OSBPL10: variants seen among roughly 807,000 people sequenced by gnomAD.
OSBPL10 encodes oxysterol binding protein like 10.
A neutral mutation model predicts 81.7 loss-of-function variants in OSBPL10; 49 were observed. The observed-to-expected ratio is 0.60, with a 90% CI of 0.48 to 0.76. The LOEUF (loss-of-function observed/expected upper bound fraction) is 0.76, where lower values mean the gene tolerates loss of function less well. Among genes scored for constraint, OSBPL10 ranks in the 30% least tolerant of loss-of-function variants. OSBPL10 has a pLI of 0.00. For missense variants in OSBPL10, 923 were observed against 987.8 expected (o/e 0.93, Z 0.88); for synonymous variants, 419 against 383.6 (o/e 1.09, Z -1.08).
At chr3:31,786,633 GCCCT>G (rs757478191) in intron 4 of OSBPL10, among the ~76,000 whole-genome samples, 22 of 152,286 alleles carry the variant, frequency 1.4e-4, no homozygotes, top group South Asian at 6.2e-4. Context: ...CCTCCAAAGA[GCCCT>G]ACCTCTTAAC....
rs536475861 is a variant in OSBPL10, at chr3:31,844,506, T to C, written c.538-14275A>G. Among the ~76,000 whole-genome samples, 16 of 152,344 alleles carry C rather than the reference T, an allele frequency of 1.1e-4. No homozygotes were observed. The South Asian group carries it at 3.3e-3, about 32-fold the overall frequency. On this transcript the variant is annotated intron_variant, in intron 3 of 11. Coordinates refer to ENST00000396556, the MANE Select transcript of OSBPL10 (RefSeq NM_017784.5). ...AGTATTGATACATGCAACATTGTTG[T>C]TGAAACTCAAAAACATTATGATAAA...
At chr3:31,858,818 G>C (rs1355848592) in intron 3 of OSBPL10, among the ~76,000 whole-genome samples, 1 of 152,194 alleles carries the variant, frequency 6.6e-6, no homozygotes, top group East Asian at 1.9e-4. Context: ...CATTTGGGCA[G>C]TCTATCAAAA....
intron 5 of OSBPL10, among the ~76,000 whole-genome samples, chr3:31,738,886 A>AGG (rs1332791666): frequency 2.0e-5 from 3 of 152,162 alleles, no homozygotes; most frequent in African/African-American, 7.2e-5. Flanking sequence ...TAAGAACTCA[A>AGG]GAAATGGGGA....
At chr3:32,002,187 A>G (rs1338994218) in intron 2 of OSBPL10, among the ~76,000 whole-genome samples, 2 of 152,120 alleles carry the variant, frequency 1.3e-5, no homozygotes, top group African/African-American at 4.8e-5. Context: ...CATTCAACAG[A>G]AATTGCTTCT....
intron 1 of OSBPL10, among the ~76,000 whole-genome samples, chr3:31,908,969 G>A (rs924875911): frequency 1.3e-5 from 2 of 151,790 alleles, no homozygotes; most frequent in African/African-American, 4.9e-5. Context: ...AGGGCCTTCT[G>A]AAACCATTAA....
intron 1 of OSBPL10, among the ~76,000 whole-genome samples, chr3:31,977,008 T>C (rs1276473946): frequency 6.6e-6 from 1 of 152,196 alleles, no homozygotes; most frequent in Non-Finnish European, 1.5e-5. Context: ...CCATTTTAGT[T>C]TGAGAGTAAA....
chr3:31,855,307 G>A (rs533874759), intron 3 of OSBPL10, among the ~76,000 whole-genome samples: 29 of 152,252 alleles, frequency 1.9e-4, no homozygotes, highest in Admixed American at 6.5e-4. Context: ...AGTTTGAGCC[G>A]CCATGCTCGG....
intron 6 of OSBPL10, among the ~76,000 whole-genome samples, chr3:31,728,402 T>G (rs1696874018): frequency 6.6e-6 from 1 of 152,156 alleles, no homozygotes; most frequent in African/African-American, 2.4e-5. Flanking sequence ...AGGCCAGGGG[T>G]AGGTATCTGG....
chr3:31,863,084 A>G (rs1159259833), intron 3 of OSBPL10, among the ~76,000 whole-genome samples: 1 of 152,256 alleles, frequency 6.6e-6, no homozygotes, highest in Non-Finnish European at 1.5e-5. Context: ...TAGTCATAAA[A>G]AAGGAATGAA....
At chr3:32,019,161 A>G (rs970621933) in intron 2 of OSBPL10, among the ~76,000 whole-genome samples, 53 of 152,318 alleles carry the variant, frequency 3.5e-4, no homozygotes, top group African/African-American at 1.2e-3. Flanking sequence ...ATTAATTTCC[A>G]CAATTGGAGC....
intron 1 of OSBPL10, among the ~76,000 whole-genome samples, chr3:31,980,014 A>T (rs10460955): frequency 0.28 from 41,368 of 147,482 alleles, 6,605 homozygotes; most frequent in East Asian, 0.72. Flanking sequence ...TTATTTATTT[A>T]TTTTTTTTGA....
intron 1 of OSBPL10, among the ~76,000 whole-genome samples, chr3:31,882,614 G>T (rs1204637220): frequency 6.6e-6 from 1 of 152,198 alleles, no homozygotes; most frequent in Non-Finnish European, 1.5e-5. Context: ...CCAGCACTTA[G>T]GGTGTGGCTT....
chr3:31,748,172 G>T (rs930451210), intron 4 of OSBPL10, 52 bp from the exon 5 acceptor site: 14 of 1,502,538 alleles, frequency 9.3e-6, no homozygotes, highest in African/African-American at 1.4e-5. Flanking sequence ...TCTTTCGACA[G>T]GCTGGGGAGG....
intron 2 of OSBPL10, among the ~76,000 whole-genome samples, chr3:32,044,601 C>T (rs1406366983): frequency 6.6e-6 from 1 of 151,062 alleles, no homozygotes; most frequent in Admixed American, 6.6e-5. Flanking sequence ...ATTAGTCAGG[C>T]GTGGTAGCAC....
intron 1 of OSBPL10, among the ~76,000 whole-genome samples, chr3:31,882,496 T>G (rs533989544): frequency 6.6e-6 from 1 of 152,312 alleles, no homozygotes; most frequent in Non-Finnish European, 1.5e-5. Flanking sequence ...AGCTTCCAGG[T>G]AATCTGCTGC....
chr3:31,775,930 G>A (rs912656207), intron 4 of OSBPL10, among the ~76,000 whole-genome samples: 3 of 152,076 alleles, frequency 2.0e-5, no homozygotes, highest in Admixed American at 6.6e-5. Context: ...GGATTATATC[G>A]CTGATGCAAT....
chr3:32,021,289 G>A (rs141817374), intron 2 of OSBPL10, among the ~76,000 whole-genome samples: 311 of 152,270 alleles, frequency 2.0e-3, no homozygotes, highest in Middle Eastern at 6.8e-3. Flanking sequence ...TATTTTCTCC[G>A]CGTTGCTGCT....
intron 1 of OSBPL10, among the ~76,000 whole-genome samples, chr3:31,973,564 G>A (rs1315312497): frequency 6.6e-6 from 1 of 152,118 alleles, no homozygotes; most frequent in African/African-American, 2.4e-5. Flanking sequence ...AAGGTCATTT[G>A]GCCAAAAGGA....
At chr3:31,665,927 G>A (rs1271395342) in intron 10 of OSBPL10, among the ~76,000 whole-genome samples, 1 of 152,180 alleles carries the variant, frequency 6.6e-6, no homozygotes, top group East Asian at 1.9e-4. Context: ...CAGAGACAGG[G>A]TGATGGGACC....
Sources: gnomAD v4.1 joint callset for allele counts (sites outside exome capture counted in the v4.1 genomes callset) on GRCh38, gnomAD v4.1.1 for gene constraint, MANE v1.5 for transcripts, NCBI Gene and HGNC (gene_info 2026-07-23, HGNC 2026-07-21) for gene names.